Variants in DNASE1 observed in about 807,000 individuals in gnomAD.
DNASE1 encodes deoxyribonuclease 1.
In DNASE1, 40 loss-of-function variants were observed where a neutral mutation model predicts 33.9. The ratio of observed to expected loss-of-function variants is 1.18; its 90% CI spans 0.92 to 1.54. The LOEUF is 1.54. Among genes scored for constraint, DNASE1 ranks in the 40% most tolerant of loss-of-function variants. DNASE1 has a pLI of 0.00. For missense variants in DNASE1, 518 were observed against 372.6 expected (o/e 1.39, Z -3.21); for synonymous variants, 216 against 160.0 (o/e 1.35, Z -2.64).
intron 1 of DNASE1, among the ~76,000 whole-genome samples, chr16:3,617,904 C>G (rs2041166500): frequency 6.6e-6 from 1 of 152,128 alleles, no homozygotes; most frequent in African/African-American, 2.4e-5. Context: ...GACTTCCCAG[C>G]CTCCAGAACA....
Position 3,658,046 on chromosome 16 carries a change from G to T in DNASE1, c.*93G>T. ...AAAGCCCAACACACACTCGGGTTAA[G>T]AAATACCTTTAAATTTAGGTAAATA... On this transcript the variant is annotated 3_prime_UTR_variant, in exon 9 of 9. Coordinates refer to ENST00000246949, the MANE Select transcript of DNASE1 (RefSeq NM_005223.4). The T allele has an allele frequency of 6.2e-7, 1 of 1,607,952 alleles. No homozygotes were observed. Among genetic ancestry groups the T allele is most frequent in the Non-Finnish European group, 8.5e-7 (1 of 1,176,336 alleles).
upstream of DNASE1, chr16:3,652,566 GC>G (rs894298881): frequency 5.3e-5 from 8 of 152,286 alleles, no homozygotes; most frequent in African/African-American, 1.9e-4. Flanking sequence ...CTGCAATGGG[GC>G]CTCTGGCAGC....
chr16:3,624,408 G>T (rs928044831), intron 1 of DNASE1, among the ~76,000 whole-genome samples: 2 of 152,160 alleles, frequency 1.3e-5, no homozygotes, highest in African/African-American at 4.8e-5. Flanking sequence ...GGCCAGCTGC[G>T]TAAGGCACCT....
downstream of DNASE1, chr16:3,662,756 C>G (rs1468299438): frequency 1.1e-5 from 10 of 883,790 alleles, no homozygotes; most frequent in South Asian, 5.5e-5. Context: ...GGGTCTCCAC[C>G]TGACACCAAG....
intron 8 of DNASE1, 41 bp downstream of exon 8, chr16:3,657,857 C>T (rs747156633): frequency 8.1e-6 from 13 of 1,613,890 alleles, no homozygotes; most frequent in Non-Finnish European, 6.8e-6. Flanking sequence ...GGATGGGACA[C>T]AGGAGCTCAG....
chr16:3,658,190 T>C (rs1417700739), downstream of DNASE1: 5 of 1,613,700 alleles, frequency 3.1e-6, no homozygotes, highest in Non-Finnish European at 4.2e-6. Context: ...GGCCCTAGGG[T>C]CGTCAACAAG....
chr16:3,656,762 TG>T lies in DNASE1; in HGVS notation c.436+10del, dbSNP rs1379528888. ...CTTCTCCCGGTTCACAGGTGGGTGC[TG>T]CCTGGGCCAGGGTGGGGCTCGGCTT... On this transcript the variant is annotated intron_variant, in intron 5 of 8. Coordinates refer to ENST00000246949, the MANE Select transcript of DNASE1 (RefSeq NM_005223.4). The T allele has an allele frequency of 6.3e-7, 1 of 1,598,566 alleles. No individual in the cohort carries two copies. Among genetic ancestry groups the T allele is most frequent in the Non-Finnish European group, 8.5e-7 (1 of 1,172,816 alleles).
At chr16:3,638,630 G>A (rs927660268), upstream of DNASE1, among the ~76,000 whole-genome samples, 6 of 152,186 alleles carry the variant, frequency 3.9e-5, no homozygotes, top group Admixed American at 1.3e-4. Flanking sequence ...GAGCCACCAC[G>A]CCCGGCCTCT....
At chr16:3,620,016 A>G (rs754590697) in intron 1 of DNASE1, among the ~76,000 whole-genome samples, 6 of 150,868 alleles carry the variant, frequency 4.0e-5, no homozygotes, top group Non-Finnish European at 8.9e-5. Flanking sequence ...CCGGGGTTCA[A>G]GTGATTCTCT....
At chr16:3,635,709 T>G (rs1047068463) in intron 1 of DNASE1, among the ~76,000 whole-genome samples, 3 of 138,436 alleles carry the variant, frequency 2.2e-5, no homozygotes, top group Non-Finnish European at 4.7e-5. Flanking sequence ...GTTAATAGGG[T>G]TTTTTTTTTT....
chr16:3,661,356 T>G (rs2043062896), downstream of DNASE1: 1 of 151,846 alleles, frequency 6.6e-6, no homozygotes, highest in Admixed American at 6.6e-5. Context: ...GAGGGAAATC[T>G]TACGGCTCAG....
upstream of DNASE1, chr16:3,651,580 T>C (rs192659994): frequency 1.3e-5 from 2 of 152,362 alleles, no homozygotes; most frequent in East Asian, 1.9e-4. Flanking sequence ...ACAGCACCCA[T>C]GGAATGTGGG....
At chr16:3,647,819 C>T (rs894387358) in intron 1 of DNASE1, among the ~76,000 whole-genome samples, 9 of 152,014 alleles carry the variant, frequency 5.9e-5, no homozygotes, top group African/African-American at 2.2e-4. Flanking sequence ...GCCTGGGCAG[C>T]ACAGTGAGAT....
intron 5 of DNASE1, 62 bp downstream of exon 5, chr16:3,656,815 AG>A: frequency 6.5e-7 from 1 of 1,548,738 alleles, no homozygotes; most frequent in South Asian, 1.2e-5. Context: ...ACCCCCTCCT[AG>A]GGAACCTGGA....
upstream of DNASE1, chr16:3,641,332 G>C (rs961480499): frequency 6.0e-5 from 10 of 166,614 alleles, no homozygotes; most frequent in Non-Finnish European, 1.2e-4. Context: ...TAGACGCCTT[G>C]CCTGCTCTCC....
At chr16:3,663,680 G>A (rs1011381133) in exon 10 of DNASE1, 1 of 1,305,156 alleles carries the variant, frequency 7.7e-7, no homozygotes, top group African/African-American at 1.5e-5. Context: ...GGGAACACCG[G>A]GGCAGTTGGG....
At chr16:3,634,231 T>C (rs1183303105) in intron 1 of DNASE1, among the ~76,000 whole-genome samples, 1 of 151,798 alleles carries the variant, frequency 6.6e-6, no homozygotes, top group African/African-American at 2.4e-5. Flanking sequence ...TTTTTTTGTT[T>C]GTTTGTTTGT....
At chr16:3,645,922 A>G (rs939998887) in intron 1 of DNASE1, among the ~76,000 whole-genome samples, 13 of 152,210 alleles carry the variant, frequency 8.5e-5, no homozygotes, top group Non-Finnish European at 1.5e-4. Flanking sequence ...GGGTTAAAAC[A>G]CTGTCACGGC....
chr16:3,622,048 C>G (rs950603032), intron 1 of DNASE1, among the ~76,000 whole-genome samples: 2 of 151,992 alleles, frequency 1.3e-5, no homozygotes, highest in African/African-American at 2.4e-5. Flanking sequence ...TGTTGAAACC[C>G]CGTCTTTACT....
Sources: allele counts gnomAD v4.1 joint callset (sites outside exome capture counted in the v4.1 genomes callset), GRCh38; gene constraint gnomAD v4.1.1; transcripts MANE v1.5; gene names NCBI Gene and HGNC (gene_info 2026-07-23, HGNC 2026-07-21).